The following NPHP4 variants were observed in gnomAD, a reference collection of about 807,000 sequenced individuals.
The protein encoded by NPHP4 is nephrocystin 4.
Under a neutral mutation model 155.8 loss-of-function variants are expected in NPHP4, and 151 were observed. That is an observed-to-expected ratio of 0.97 (90% confidence interval 0.85 to 1.11). The LOEUF is 1.11. Ranked by LOEUF, NPHP4 falls within the 50% of genes least tolerant of loss-of-function variation. The probability of loss-of-function intolerance (pLI) is 0.00; values close to 1 mark genes in which losing one functional copy is unlikely to be tolerated. For synonymous variants in NPHP4, 845 were observed against 816.8 expected (o/e 1.03, Z -0.59); for missense variants, 1,956 against 1,925.7 (o/e 1.02, Z -0.29).
chr1:5,985,275 T>C (rs1655299065), intron 2 of NPHP4, among the ~76,000 whole-genome samples: 1 of 152,262 alleles, frequency 6.6e-6, no homozygotes, highest in Non-Finnish European at 1.5e-5. Flanking sequence ...GCAAGACTGA[T>C]CCTTCTCACG....
intron 16 of NPHP4, among the ~76,000 whole-genome samples, chr1:5,899,670 C>T (rs552491951): frequency 3.7e-4 from 56 of 152,202 alleles, no homozygotes; most frequent in South Asian, 1.0e-3. Flanking sequence ...TCCTAGGAGA[C>T]GACACAGAAC....
chr1:5,976,891 C>T (rs999423242), intron 3 of NPHP4, among the ~76,000 whole-genome samples: 7 of 152,126 alleles, frequency 4.6e-5, no homozygotes, highest in African/African-American at 1.7e-4. Flanking sequence ...GAGCAGGCCC[C>T]CATGGGAAAG....
intron 7 of NPHP4, among the ~76,000 whole-genome samples, chr1:5,949,140 A>G (rs1267309602): frequency 6.6e-6 from 1 of 152,212 alleles, no homozygotes; most frequent in Admixed American, 6.5e-5. Flanking sequence ...ACTGTATAAA[A>G]TTCAACAATG....
intron 16 of NPHP4, among the ~76,000 whole-genome samples, chr1:5,896,850 G>A (rs1054379469): frequency 6.6e-5 from 10 of 152,128 alleles, no homozygotes; most frequent in Middle Eastern, 3.2e-3. Context: ...AAAGCAGGAC[G>A]CGCTCAAAGT....
intron 6 of NPHP4, among the ~76,000 whole-genome samples, chr1:5,955,177 TGA>T (rs1648942497): frequency 6.6e-6 from 1 of 152,062 alleles, no homozygotes; most frequent in African/African-American, 2.4e-5. Flanking sequence ...AAAACCACAA[TGA>T]GATACCACCT....
At position 5,992,336 on chromosome 1, in the gene NPHP4, C is replaced by G. The variant is rs1417149401; in HGVS notation, c.-131G>C. On this transcript the variant is annotated 5_prime_UTR_variant, in exon 1 of 30. Transcript: ENST00000378156. ...TCGACGGACCCAGAGGCCCGGCGGC[C>G]GGTGCTCAACGGAGCCACAAGCCTG... 1 of 152,020 alleles carries G rather than the reference C, an allele frequency of 6.6e-6. No individual in the cohort carries two copies. The highest frequency in any genetic ancestry group is 6.5e-5 in the Admixed American group (1 of 15,282). The allele number at this position is 152,020 out of a possible 1,614,324, so 9.4% of individuals were successfully genotyped here.
chr1:5,918,842 T>C (rs925582205), intron 11 of NPHP4, among the ~76,000 whole-genome samples: 7 of 152,320 alleles, frequency 4.6e-5, no homozygotes, highest in East Asian at 1.9e-4. Flanking sequence ...AGAAATGTAA[T>C]TGGTTGTCAA....
chr1:5,904,431 G>A (rs57446086), intron 16 of NPHP4, among the ~76,000 whole-genome samples, 186 bp downstream of exon 16: 3,886 of 152,320 alleles, frequency 0.026, 160 homozygotes, highest in African/African-American at 0.087. Flanking sequence ...GCTTGGGGGA[G>A]GACGCTGGGT....
In NPHP4 at chr1:5,887,363, A is replaced by G. The variant is rs1402480112; in HGVS notation, c.2408T>C (p.Leu803Pro). 1 of 1,613,554 alleles carries G rather than the reference A, an allele frequency of 6.2e-7. No individual in the cohort carries two copies. The highest frequency in any genetic ancestry group is 2.2e-5 in the East Asian group (1 of 44,866). The change falls in exon 18 of 30, where the codon CTG becomes CCG. Residue 803 changes from leucine (L) to proline (P), a missense_variant. Physicochemically the swap from Leu to Pro is moderately conservative, Grantham distance 98 (BLOSUM62 -3). Coordinates refer to ENST00000378156, the MANE Select transcript of NPHP4 (RefSeq NM_015102.5). The part of the protein sequence containing the change: ...QDNMVVSGDM[L>P]GFGRVKPIGV... ...GATGGGCTTGACGCGGCCAAACCCC[A>G]GCATGTCTCCACTCACCACCATGTT...
chr1:5,863,286 G>A lies in NPHP4; in HGVS notation c.4260C>T (p.Cys1420=), dbSNP rs376464726. 3.5e-5 allele frequency: 57 copies of A among 1,613,890 alleles called. No homozygotes were observed. Among genetic ancestry groups the A allele is most frequent in the South Asian group, 9.9e-5 (9 of 91,090 alleles). The change falls in exon 30 of 30, where the codon TGC becomes TGT. Residue 1420 remains cysteine, a synonymous_variant. Transcript: ENST00000378156. The stretch of plus-strand genomic sequence containing the variant: ...GCCCTCACTGGTAGATGACCTTCAC[G>A]CAAAATGCCTCTTCGTTTTTGTCCT... ...DHEDKNEEAF[C]VKVIYQ
At chr1:5,900,635 T>C (rs1644628393) in intron 16 of NPHP4, among the ~76,000 whole-genome samples, 1 of 152,200 alleles carries the variant, frequency 6.6e-6, no homozygotes, top group Non-Finnish European at 1.5e-5. Context: ...CATGATGTCA[T>C]GTATTTGTCA....
rs1199328941 is a variant in NPHP4 at position 5,867,588 on chromosome 1, T to C, written c.3472+152A>G. 6 of 770,212 alleles carry C rather than the reference T, an allele frequency of 7.8e-6. No individual in the cohort carries two copies. The highest frequency in any genetic ancestry group is 3.7e-5 in the South Asian group (2 of 54,748). 47.7% of individuals were successfully genotyped at this position (770,212 alleles called of 1,614,324 possible). ...GCAAGAGGGACACCGTTTCAAACCA[T>C]AAAGGCAGGAGAGAGAATTCCCCAG... is the stretch of plus-strand genomic sequence containing the variant. On this transcript the variant is annotated intron_variant, in intron 24 of 29. Transcript: ENST00000378156. The surrounding 1 kb of genome is among the most constrained non-coding windows in gnomAD (Gnocchi z 4.1).
chr1:5,987,225 C>G (rs1280936580), intron 1 of NPHP4, among the ~76,000 whole-genome samples: 1 of 152,026 alleles, frequency 6.6e-6, no homozygotes, highest in African/African-American at 2.4e-5. Context: ...CCAGCCAGAC[C>G]GGGATCTAAA....
At chr1:5,898,809 CG>C (rs1162380064) in intron 16 of NPHP4, among the ~76,000 whole-genome samples, 2 of 151,996 alleles carry the variant, frequency 1.3e-5, no homozygotes, top group Non-Finnish European at 2.9e-5. Context: ...TGACGGGATA[CG>C]GAAAGAATGC....
rs1643116169 is a variant in NPHP4, at chr1:5,880,109, C to A, written c.2611+5G>T. The A allele has an allele frequency of 6.2e-7, 1 of 1,613,746 alleles. No homozygotes were observed. Reference sequence around the variant, plus strand: ...CCACACATGGGCCCAACAGTGTAAACTCACGCCTTGAGCTTCCAGTCGTGA... The same window carrying A: ...CCACACATGGGCCCAACAGTGTAAAATCACGCCTTGAGCTTCCAGTCGTGA... On this transcript the variant is annotated splice_donor_5th_base_variant and intron_variant, in intron 19 of 29. Transcript: ENST00000378156.
intron 9 of NPHP4, among the ~76,000 whole-genome samples, chr1:5,935,158 A>G (rs754627699): frequency 6.6e-6 from 1 of 152,262 alleles, no homozygotes; most frequent in Non-Finnish European, 1.5e-5. Context: ...TGTTCCTGCC[A>G]GATGATATCC....
chr1:5,973,037 A>G (rs1198753597), intron 3 of NPHP4, among the ~76,000 whole-genome samples: 1 of 152,188 alleles, frequency 6.6e-6, no homozygotes, highest in Non-Finnish European at 1.5e-5. Flanking sequence ...CGTGTGTGCC[A>G]CCACGCCCAG....
intron 19 of NPHP4, chr1:5,879,433 T>C: frequency 2.2e-6 from 1 of 456,074 alleles, no homozygotes; most frequent in South Asian, 1.7e-5. Context: ...AACCAGGTCT[T>C]TCTTTCCCAA....
intron 10 of NPHP4, among the ~76,000 whole-genome samples, chr1:5,931,911 C>T (rs979844528): frequency 6.6e-6 from 1 of 151,876 alleles, no homozygotes; most frequent in Non-Finnish European, 1.5e-5. Context: ...CTCAACTCTA[C>T]AAAAATTAAA....
Sources: gnomAD v4.1 joint callset for allele counts (sites outside exome capture counted in the v4.1 genomes callset) on GRCh38, gnomAD v4.1.1 for gene constraint, Gnocchi (gnomAD v3.1) non-coding constraint, MANE v1.5 for transcripts, NCBI Gene and HGNC (gene_info 2026-07-23, HGNC 2026-07-21) for gene names.